The following ITGA2 variants were observed in gnomAD, a reference collection of about 807,000 sequenced individuals.
ITGA2 encodes integrin subunit alpha 2, also known as integrin alpha-2.
In ITGA2, 101 loss-of-function variants were observed where a neutral mutation model predicts 146.3. The observed-to-expected ratio is 0.69, with a 90% CI of 0.59 to 0.81. The LOEUF is 0.81. Ranked by LOEUF, ITGA2 falls within the 40% of genes least tolerant of loss-of-function variation. ITGA2 has a pLI of 0.00. For synonymous variants in ITGA2, 477 were observed against 487.1 expected (o/e 0.98, Z 0.27); for missense variants, 1,281 against 1,402.7 (o/e 0.91, Z 1.39).
intron 1 of ITGA2, among the ~76,000 whole-genome samples, chr5:53,014,042 C>A (rs183941169): frequency 6.6e-6 from 1 of 152,240 alleles, no homozygotes; most frequent in East Asian, 1.9e-4. Context: ...ATCATATCAT[C>A]TGCAAACAAA....
In ITGA2 at chr5:53,051,452, T is replaced by C. The variant is rs938043469; in HGVS notation, c.672T>C (p.Phe224=). The C allele has an allele frequency of 6.2e-7, 1 of 1,613,242 alleles. No homozygotes were observed. Among genetic ancestry groups the C allele is most frequent in the African/African-American group, 1.3e-5 (1 of 74,904 alleles). ...ATGCCAATAATCCAAGAGTTGTGTT[T>C]AACTTGAACACATATAAAACCAAAG... The part of the protein sequence containing the change: ...IQYANNPRVV[F]NLNTYKTKEE... Residue 224 remains phenylalanine (F), a synonymous_variant, in exon 7 of 30, where the codon TTT becomes TTC. Transcript: ENST00000296585.
chr5:53,090,306 G>A (rs1225318052), intron 29 of ITGA2, among the ~76,000 whole-genome samples: 2 of 152,138 alleles, frequency 1.3e-5, no homozygotes, highest in Non-Finnish European at 2.9e-5. Flanking sequence ...AGTAGACGCT[G>A]AAAAATGTAG....
chr5:53,030,255 G>A (rs1474382654), intron 2 of ITGA2, among the ~76,000 whole-genome samples: 2 of 152,222 alleles, frequency 1.3e-5, no homozygotes, highest in African/African-American at 4.8e-5. Flanking sequence ...TTTATAGTGA[G>A]ATCCTAGTGC....
chr5:53,024,555 A>G (rs567980223), intron 1 of ITGA2, among the ~76,000 whole-genome samples: 17 of 152,376 alleles, frequency 1.1e-4, no homozygotes, highest in African/African-American at 4.1e-4. Context: ...GAATATGGCT[A>G]TATAAGATAA....
chr5:53,066,243 A>G (rs961152003), intron 15 of ITGA2, among the ~76,000 whole-genome samples: 5 of 151,932 alleles, frequency 3.3e-5, no homozygotes, highest in African/African-American at 1.2e-4. Flanking sequence ...AATGGTATCC[A>G]GGCTATTTCT....
At chr5:52,994,812 A>T (rs1279547445) in intron 1 of ITGA2, among the ~76,000 whole-genome samples, 1 of 152,198 alleles carries the variant, frequency 6.6e-6, no homozygotes, top group African/African-American at 2.4e-5. Context: ...AATAGATGTC[A>T]TGTGTTCACA....
intron 27 of ITGA2, among the ~76,000 whole-genome samples, chr5:53,084,490 A>G (rs1158333459): frequency 6.6e-6 from 1 of 152,188 alleles, no homozygotes; most frequent in Non-Finnish European, 1.5e-5. Context: ...TTGGACAAAG[A>G]CATAGAAGAA....
At chr5:53,016,110 G>A (rs181221564) in intron 1 of ITGA2, among the ~76,000 whole-genome samples, 60 of 152,206 alleles carry the variant, frequency 3.9e-4, no homozygotes, top group African/African-American at 1.3e-3. Context: ...TGATTTGTGC[G>A]GATTTGATCC....
At chr5:52,997,005 G>A (rs1741297039) in intron 1 of ITGA2, among the ~76,000 whole-genome samples, 1 of 152,134 alleles carries the variant, frequency 6.6e-6, no homozygotes, top group Non-Finnish European at 1.5e-5. Flanking sequence ...TCATAAATTA[G>A]AAAAGAAGTT....
At chr5:53,000,897 G>GTTTTTTTTTTTTTT (rs369482288) in intron 1 of ITGA2, among the ~76,000 whole-genome samples, 40 of 97,214 alleles carry the variant, frequency 4.1e-4, no homozygotes, top group Non-Finnish European at 5.9e-4. Context: ...TTTTCTTTTT[G>GTTTTTTTTTTTTTT]TTTTTTTTTT....
Position 53,033,418 on chromosome 5 carries a change from C to T in ITGA2, c.185+6550C>T, listed in dbSNP as rs186805115. Among the ~76,000 whole-genome samples, 461 of 152,128 alleles carry T rather than the reference C, an allele frequency of 3.0e-3. 3 individuals are homozygous for T. The highest frequency in any genetic ancestry group is 9.8e-3 in the African/African-American group (408 of 41,516). On this transcript the variant is annotated intron_variant, in intron 2 of 29. Transcript: ENST00000296585. The stretch of plus-strand genomic sequence containing the variant: ...TGCTATTCTATTCCAATCCTCTTTC[C>T]AAAATAATCATGTCTTTGTCTTTTA...
intron 3 of ITGA2, among the ~76,000 whole-genome samples, chr5:53,043,687 A>T (rs1396040017): frequency 6.6e-6 from 1 of 152,188 alleles, no homozygotes; most frequent in Non-Finnish European, 1.5e-5. Context: ...AGTAAACAAG[A>T]GATGATACTT....
In ITGA2 at chr5:53,065,181, G is replaced by A. The variant is rs937760963; in HGVS notation, c.1806+66G>A. 85 of 1,478,042 alleles carry A rather than the reference G, an allele frequency of 5.8e-5. No homozygotes were observed. The Admixed American group carries it at 7.9e-4, about 14-fold the overall frequency. The allele number at this position is 1,478,042 out of a possible 1,614,324, so 91.6% of individuals were successfully genotyped here. ...TCTTATCATATTAGACATAGAAAGC[G>A]TCATGTAAACCATGCAATCCGTCCG... is the stretch of plus-strand genomic sequence containing the variant. On this transcript the variant is annotated intron_variant, in intron 14 of 29. Transcript: ENST00000296585.
At chr5:53,078,043 A>T (rs1367729694) in intron 23 of ITGA2, among the ~76,000 whole-genome samples, 1 of 152,048 alleles carries the variant, frequency 6.6e-6, no homozygotes, top group African/African-American at 2.4e-5. Flanking sequence ...CCCCAGTTTC[A>T]TTCTAGTCTG....
intron 2 of ITGA2, among the ~76,000 whole-genome samples, chr5:53,033,402 A>G (rs1036624510): frequency 6.6e-6 from 1 of 152,082 alleles, no homozygotes; most frequent in Non-Finnish European, 1.5e-5. Flanking sequence ...ATGCTATTCT[A>G]TTCCAATCCT....
At chr5:53,069,722 G>A (rs556196435) in intron 16 of ITGA2, among the ~76,000 whole-genome samples, 44 of 152,000 alleles carry the variant, frequency 2.9e-4, no homozygotes, top group African/African-American at 1.0e-3. Context: ...ATGAGAATGT[G>A]TCCAGTTGCA....
At chr5:53,021,208 G>C (rs904885953) in intron 1 of ITGA2, among the ~76,000 whole-genome samples, 1 of 151,706 alleles carries the variant, frequency 6.6e-6, no homozygotes, top group Non-Finnish European at 1.5e-5. Flanking sequence ...TAGTTTATAT[G>C]CTACCATTTG....
chr5:53,005,397 T>C (rs1047981374), intron 1 of ITGA2, among the ~76,000 whole-genome samples: 2 of 151,940 alleles, frequency 1.3e-5, no homozygotes, highest in East Asian at 1.9e-4. Context: ...GCCTGGCCAA[T>C]GTGGTGAAAC....
At chr5:53,008,844 T>G (rs1422556611) in intron 1 of ITGA2, among the ~76,000 whole-genome samples, 1 of 152,106 alleles carries the variant, frequency 6.6e-6, no homozygotes, top group Non-Finnish European at 1.5e-5. Flanking sequence ...TGACCCTAGG[T>G]ACAGTCAATA....
Sources: gnomAD v4.1 joint callset for allele counts (sites outside exome capture counted in the v4.1 genomes callset) on GRCh38, gnomAD v4.1.1 for gene constraint, MANE v1.5 for transcripts, NCBI Gene and HGNC (gene_info 2026-07-23, HGNC 2026-07-21) for gene names.